Variants in LGI3 observed in about 807,000 individuals in gnomAD.
LGI3 encodes the protein leucine-rich repeat LGI family member 3.
LGI3 carries 47 observed loss-of-function variants against 55.4 expected under a neutral mutation model. That is an observed-to-expected ratio of 0.85 (90% CI 0.67 to 1.08). LGI3 has a LOEUF of 1.08. Ranked by LOEUF, LGI3 falls within the 50% of genes least tolerant of loss-of-function variation. The pLI, the probability that LGI3 is intolerant of heterozygous loss-of-function variation, is 0.00. For synonymous variants in LGI3, 326 were observed against 315.0 expected (o/e 1.04, Z -0.37); for missense variants, 664 against 726.3 (o/e 0.91, Z 0.99).
chr8:22,155,325 G>A, intron 2 of LGI3, 67 bp downstream of exon 2: 1 of 1,458,302 alleles, frequency 6.9e-7, no homozygotes, highest in Non-Finnish European at 9.6e-7. Flanking sequence ...CCTCTCCCCA[G>A]CCCAGGATTT....
Position 22,153,939 on chromosome 8 carries a change from T to C in LGI3, c.494+29A>G, listed in dbSNP as rs779232395. The C allele has an allele frequency of 1.6e-5, 26 of 1,608,738 alleles. No individual in the cohort carries two copies. The South Asian group carries it at 2.6e-4, about 16-fold the overall frequency. On this transcript the variant is annotated intron_variant, in intron 5 of 7. Coordinates refer to ENST00000306317, the MANE Select transcript of LGI3 (RefSeq NM_139278.4). ...TCCAGGGATGCGCCCTCTGCGGCAC[T>C]GTTGGAAGAGGCAGGACTCAGGCCT...
intron 3 of LGI3, 43 bp from the exon 4 acceptor site, chr8:22,154,256 C>T: frequency 6.6e-7 from 1 of 1,515,988 alleles, no homozygotes; most frequent in Non-Finnish European, 9.2e-7. Flanking sequence ...CACAGGATGC[C>T]AGACCCCCAG....
In LGI3 at chr8:22,148,796, G is replaced by A. The variant is rs773555136; in HGVS notation, c.1011C>T (p.Ile337=). Residue 337 remains isoleucine (I), a synonymous_variant, in exon 8 of 8, where the codon ATC becomes ATT. Coordinates refer to ENST00000306317, the MANE Select transcript of LGI3 (RefSeq NM_139278.4). The surrounding 1 kb of genome is among the most constrained non-coding windows in gnomAD (Gnocchi z 7.0). ...CCACGGCAAAGTACCAGTCACCGTC[G>A]ATGCGGAAGGCTTCTAGGTCGTTAG... ...RKPNDLEAFR[I]DGDWYFAVAD... is the part of the protein sequence containing the mutation. 1.3e-5 allele frequency: 21 copies of A among 1,614,070 alleles called. No homozygotes were observed. The highest frequency in any genetic ancestry group is 2.2e-5 in the East Asian group (1 of 44,900).
At chr8:22,152,218 T>G (rs913351464) in intron 5 of LGI3, among the ~76,000 whole-genome samples, 2 of 152,272 alleles carry the variant, frequency 1.3e-5, no homozygotes, top group Admixed American at 1.3e-4. Flanking sequence ...TTTCAGTCCT[T>G]GCTGACTTCT....
chr8:22,155,538 G>T, intron 1 of LGI3, 75 bp from the exon 2 acceptor site: 1 of 1,246,196 alleles, frequency 8.0e-7, no homozygotes, highest in Non-Finnish European at 1.2e-6. Flanking sequence ...AACACGGAGG[G>T]CAGTAGCTTT....
Position 22,154,894 on chromosome 8 carries a change from G to A in LGI3, c.279-263C>T, listed in dbSNP as rs1212144175. On this transcript the variant is annotated intron_variant, in intron 2 of 7. Transcript: ENST00000306317. ...TGTCAAGCCAGCTCCTGGTCCTCCC[G>A]GGTGGCATCTCCTCTCCCTCTCCCC... 20 of 515,472 alleles carry A rather than the reference G, an allele frequency of 3.9e-5. No homozygotes were observed. In the East Asian group the frequency reaches 5.0e-4, roughly 13 times the overall value. 31.9% of individuals were successfully genotyped at this position (515,472 alleles called of 1,614,324 possible). A position where few individuals can be genotyped will look rare whatever the true frequency, so the allele number is the denominator to read the frequency against.
chr8:22,148,475 G>T lies in LGI3; in HGVS notation c.1332C>A (p.Gly444=). The T allele has an allele frequency of 1.2e-6, 2 of 1,612,650 alleles. No individual in the cohort carries two copies. Residue 444 remains glycine (G), a synonymous_variant, in exon 8 of 8, where the codon GGC becomes GGA. Transcript: ENST00000306317. The surrounding 1 kb of genome is among the most constrained non-coding windows in gnomAD (Gnocchi z 7.0). ...DSYLCLSRYI[G]DSKILRWEGT... is the part of the protein sequence containing the mutation. ...CCTCCCAGCGCAGGATCTTGGAGTCGCCAATGTAGCGGCTGAGGCACAGGT... is the reference window on the plus strand; with the variant it reads ...CCTCCCAGCGCAGGATCTTGGAGTCTCCAATGTAGCGGCTGAGGCACAGGT...
chr8:22,156,378 T>C lies in LGI3; in HGVS notation c.165A>G (p.Ser55=), dbSNP rs1395424413. 6.2e-7 allele frequency: 1 copy of C among 1,606,294 alleles called. No individual in the cohort carries two copies. Among genetic ancestry groups the C allele is most frequent in the South Asian group, 1.1e-5 (1 of 90,490 alleles). ...AGGGCAGGTTCCTGGGCACCGCCTT[T>C]GAGTCCACGCAGAAGGCGGTGTCCC... is the stretch of plus-strand genomic sequence containing the variant. ...CTRDTAFCVD[S]KAVPRNLPSE... is the part of the protein sequence containing the mutation. Residue 55 remains serine, a synonymous_variant, in exon 1 of 8, where the codon TCA becomes TCG. Transcript: ENST00000306317.
At position 22,147,652 on chromosome 8, in the gene LGI3, TC is replaced by T. The variant is rs1827321014; in HGVS notation, c.*507del. ...TGTGAGTGTGTAATGAGTGTGTCCGTCCGCGTCCATGTGAGCATGCAGACGG... is the reference window on the plus strand; with the variant it reads ...TGTGAGTGTGTAATGAGTGTGTCCGTCGCGTCCATGTGAGCATGCAGACGG... On this transcript the variant is annotated 3_prime_UTR_variant, in exon 8 of 8. Transcript: ENST00000306317. 6.1e-6 allele frequency: 1 copy of T among 163,724 alleles called. No individual in the cohort carries two copies. 10.1% of individuals were successfully genotyped at this position (163,724 alleles called of 1,614,324 possible).
Position 22,154,195 on chromosome 8 carries a change from G to A in LGI3, c.369C>T (p.Asp123=). The change falls in exon 4 of 8, where the codon GAC becomes GAT. Residue 123 remains aspartate (D), a synonymous_variant. Coordinates refer to ENST00000306317, the MANE Select transcript of LGI3 (RefSeq NM_139278.4). ...HLQYLFIENN[D]IWALSKFTFR... is the part of the protein sequence containing the mutation. ...AGGTGAACTTGGATAGTGCCCAGAT[G>A]TCATTGTTCTCAATGAAGCTGGGGA... 1 of 1,614,014 alleles carries A rather than the reference G, an allele frequency of 6.2e-7. No homozygotes were observed. Among genetic ancestry groups the A allele is most frequent in the Non-Finnish European group, 8.5e-7 (1 of 1,179,964 alleles).
Position 22,153,959 on chromosome 8 carries a change from A to C in LGI3, c.494+9T>G. On this transcript the variant is annotated intron_variant, in intron 5 of 7. Transcript: ENST00000306317. Reference sequence around the variant, plus strand: ...GGCACTGTTGGAAGAGGCAGGACTCAGGCCTTACAAGTCATTCAGGATGTC... The same window carrying C: ...GGCACTGTTGGAAGAGGCAGGACTCCGGCCTTACAAGTCATTCAGGATGTC... 6.2e-7 allele frequency: 1 copy of C among 1,613,428 alleles called. No homozygotes were observed.
At chr8:22,153,048 TA>T (rs545574896) in intron 5 of LGI3, among the ~76,000 whole-genome samples, 111 of 131,388 alleles carry the variant, frequency 8.4e-4, no homozygotes, top group Non-Finnish European at 1.2e-3. Flanking sequence ...AGACTCTGTC[TA>T]AAAAAAAAAA....
chr8:22,156,782 T>C lies in LGI3; in HGVS notation c.-240A>G, dbSNP rs1827515586. 1 of 168,466 alleles carries C rather than the reference T, an allele frequency of 5.9e-6. No homozygotes were observed. The highest frequency in any genetic ancestry group is 1.3e-5 in the Non-Finnish European group (1 of 79,708). 10.4% of individuals were successfully genotyped at this position (168,466 alleles called of 1,614,324 possible). On this transcript the variant is annotated 5_prime_UTR_variant, in exon 1 of 8. Transcript: ENST00000306317. ...GCGGAGCTGGAGCCGCAGCCGGGGC[T>C]GACCGCGCCGGGTGGCTGCGGACTG...
intron 1 of LGI3, among the ~76,000 whole-genome samples, chr8:22,156,136 C>T (rs112633253): frequency 6.6e-6 from 1 of 152,178 alleles, no homozygotes; most frequent in Admixed American, 6.5e-5. Context: ...TCCTGCTTTC[C>T]CCACCCATGG....
chr8:22,152,008 A>G lies in LGI3; in HGVS notation c.495-8T>C. ...GAGTTGCCCCGCAGGTCCCTGCATC[A>G]TGAGGGCAGAGGAGGGGGGCACAGA... On this transcript the variant is annotated splice_region_variant and splice_polypyrimidine_tract_variant and intron_variant, in intron 5 of 7. Coordinates refer to ENST00000306317, the MANE Select transcript of LGI3 (RefSeq NM_139278.4). 1 of 1,588,850 alleles carries G rather than the reference A, an allele frequency of 6.3e-7. No individual in the cohort carries two copies. The highest frequency in any genetic ancestry group is 8.6e-7 in the Non-Finnish European group (1 of 1,163,304).
intron 1 of LGI3, among the ~76,000 whole-genome samples, chr8:22,155,967 A>G (rs567826353): frequency 2.4e-4 from 36 of 152,312 alleles, no homozygotes; most frequent in African/African-American, 8.7e-4. Context: ...GGCATAGCTC[A>G]TTCTCATCCT....
In LGI3 at chr8:22,148,523, G is replaced by A. The variant is rs1827336209; in HGVS notation, c.1284C>T (p.His428=). The A allele has an allele frequency of 1.2e-6, 2 of 1,613,630 alleles. No individual in the cohort carries two copies. The highest frequency in any genetic ancestry group is 2.2e-5 in the East Asian group (1 of 44,894). ...TQVPDAQAVK[H]FRAGRDSYLC... is the part of the protein sequence containing the mutation. ...GGTAGCTGTCGCGGCCGGCACGAAA[G>A]TGTTTCACAGCTTGGGCATCAGGCA... Residue 428 remains histidine (H), a synonymous_variant, in exon 8 of 8, where the codon CAC becomes CAT. Coordinates refer to ENST00000306317, the MANE Select transcript of LGI3 (RefSeq NM_139278.4). This position sits in a 1 kb window ranked among gnomAD's most constrained non-coding sequence, Gnocchi z 7.0.
Position 22,148,873 on chromosome 8 carries a change from T to G in LGI3, c.934A>C (p.Thr312Pro). 6.2e-7 allele frequency: 1 copy of G among 1,614,158 alleles called. No individual in the cohort carries two copies. Among genetic ancestry groups the G allele is most frequent in the South Asian group, 1.1e-5 (1 of 91,076 alleles). ...GSYIYHWDPN[T>P]TRFTRLQDID... Reference sequence around the variant, plus strand: ...TCTTGCAGCCTGGTGAAGCGCGTGGTGTTGGGATCCCAGTGGTAAATGTAA... The same window carrying G: ...TCTTGCAGCCTGGTGAAGCGCGTGGGGTTGGGATCCCAGTGGTAAATGTAA... The change falls in exon 8 of 8, where the codon ACC becomes CCC. Residue 312 changes from threonine to proline, a missense_variant. By Grantham distance (38) the Thr-to-Pro change is conservative. Coordinates refer to ENST00000306317, the MANE Select transcript of LGI3 (RefSeq NM_139278.4). This position sits in a 1 kb window ranked among gnomAD's most constrained non-coding sequence, Gnocchi z 7.0.
In LGI3 at chr8:22,155,530, C is replaced by T. The variant is rs1212670054; in HGVS notation, c.207-67G>A. The stretch of plus-strand genomic sequence containing the variant: ...CTGTGCTGAGGCAGGGAGAGGTGAA[C>T]ACGGAGGGCAGTAGCTTTTGTACTC... On this transcript the variant is annotated intron_variant, in intron 1 of 7. Transcript: ENST00000306317. 5 of 1,307,954 alleles carry T rather than the reference C, an allele frequency of 3.8e-6. 1 individual carries two copies. Among genetic ancestry groups the T allele is most frequent in the African/African-American group, 1.4e-5 (1 of 69,056 alleles). The allele number at this position is 1,307,954 out of a possible 1,614,324, so 81.0% of individuals were successfully genotyped here.
Sources: allele counts gnomAD v4.1 joint callset (sites outside exome capture counted in the v4.1 genomes callset), GRCh38; gene constraint gnomAD v4.1.1; non-coding constraint Gnocchi (gnomAD v3.1); transcripts MANE v1.5; gene names NCBI Gene and HGNC (gene_info 2026-07-23, HGNC 2026-07-21).